The following TAC1 variants were observed in gnomAD, a reference collection of about 807,000 sequenced individuals.
The protein encoded by TAC1 is protachykinin-1.
A neutral mutation model predicts 21.7 loss-of-function variants in TAC1; 12 were observed. The observed-to-expected ratio is 0.55, with a 90% CI of 0.35 to 0.89. The LOEUF (loss-of-function observed/expected upper bound fraction) is 0.89. Ranked by LOEUF, TAC1 falls within the 40% of genes least tolerant of loss-of-function variation. The pLI, the probability that TAC1 is intolerant of heterozygous loss-of-function variation, is 0.01. For synonymous variants in TAC1, 52 were observed against 52.0 expected, an observed-to-expected ratio of 1.00 and a Z score of 0.00; for missense variants, 128 against 151.4, an observed-to-expected ratio of 0.85 and a Z score of 0.81.
chr7:97,734,286 C>G lies in TAC1; in HGVS notation c.259C>G (p.Leu87Val). Residue 87 changes from leucine to valine, a missense_variant, in exon 4 of 7, where the codon CTT becomes GTT. Coordinates refer to ENST00000319273, the MANE Select transcript of TAC1 (RefSeq NM_003182.3). ...AAAACAAGTGGCCCTGTTAAAGGCT[C>G]TTTATGGTAAACATTCCTATAAATC... Reference protein sequence around the residue: ...IEKQVALLKALYGHGQISHKR... With the variant: ...IEKQVALLKAVYGHGQISHKR... The G allele has an allele frequency of 2.5e-6, 4 of 1,613,306 alleles. No individual in the cohort carries two copies. The highest frequency in any genetic ancestry group is 3.4e-6 in the Non-Finnish European group (4 of 1,179,374).
intron 5 of TAC1, 55 bp from the exon 6 acceptor site, chr7:97,736,244 A>T: frequency 1.4e-6 from 2 of 1,436,972 alleles, no homozygotes; most frequent in Non-Finnish European, 1.9e-6. Context: ...TGGTTATAAT[A>T]GTTTGTTTCC....
intron 6 of TAC1, among the ~76,000 whole-genome samples, chr7:97,737,448 G>C (rs576950593): frequency 6.6e-6 from 1 of 151,282 alleles, no homozygotes; most frequent in African/African-American, 2.4e-5. Flanking sequence ...TAAGACTTGG[G>C]TACATTAAAT....
chr7:97,732,775 G>C lies in TAC1; in HGVS notation c.123+40G>C. Reference sequence around the variant, plus strand: ...CAGGACGGCCCGCACCCTTCTTCCTGGGCTCGGGAGCTGTCACCTTCCCAC... The same window carrying C: ...CAGGACGGCCCGCACCCTTCTTCCTCGGCTCGGGAGCTGTCACCTTCCCAC... On this transcript the variant is annotated intron_variant, in intron 2 of 6. Coordinates refer to ENST00000319273, the MANE Select transcript of TAC1 (RefSeq NM_003182.3). This position sits in a 1 kb window ranked among gnomAD's most constrained non-coding sequence, Gnocchi z 6.2. The C allele has an allele frequency of 1.9e-6, 3 of 1,595,092 alleles. No individual in the cohort carries two copies. Among genetic ancestry groups the C allele is most frequent in the East Asian group, 2.2e-5 (1 of 44,592 alleles).
intron 3 of TAC1, 96 bp downstream of exon 3, chr7:97,733,915 A>G: frequency 8.0e-7 from 1 of 1,244,928 alleles, no homozygotes; most frequent in Non-Finnish European, 1.2e-6. Flanking sequence ...CTGAATAGAG[A>G]TTTCCACTCC....
Position 97,733,723 on chromosome 7 carries a change from G to A in TAC1, c.124G>A (p.Glu42Lys). The A allele has an allele frequency of 6.2e-7, 1 of 1,613,958 alleles. No homozygotes were observed. The highest frequency in any genetic ancestry group is 8.5e-7 in the Non-Finnish European group (1 of 1,179,946). ...SDWYDSDQIK[E>K]ELPEPFEHLL... Reference sequence around the variant, plus strand: ...CTTTGTCCGTGCTTTTGTCTCCCAGGAGGAACTGCCGGAGCCCTTTGAGCA... The same window carrying A: ...CTTTGTCCGTGCTTTTGTCTCCCAGAAGGAACTGCCGGAGCCCTTTGAGCA... The change falls in exon 3 of 7, where the codon GAG (glutamate) becomes AAG (lysine). Residue 42 changes from glutamate to lysine, a missense_variant and splice_region_variant. Transcript: ENST00000319273.
chr7:97,734,345 A>C, intron 4 of TAC1, 53 bp downstream of exon 4: 1 of 1,521,616 alleles, frequency 6.6e-7, no homozygotes, highest in Non-Finnish European at 9.1e-7. Context: ...CATGTAGGAA[A>C]GTGAAATAAA....
intron 3 of TAC1, 131 bp downstream of exon 3, chr7:97,733,950 C>G: frequency 1.1e-6 from 1 of 947,130 alleles, no homozygotes; most frequent in Non-Finnish European, 1.6e-6. Flanking sequence ...TCCCCAGGCG[C>G]GACATTGGCC....
Position 97,732,979 on chromosome 7 carries a change from GCC to G in TAC1, c.123+246_123+247del. ...CCCAGGAACTCCCTGCAGTAGGGAT[GCC>G]CTCCCGGATGAGCCCGAGATCCTCA... On this transcript the variant is annotated intron_variant, in intron 2 of 6. Transcript: ENST00000319273. This position sits in a 1 kb window ranked among gnomAD's most constrained non-coding sequence, Gnocchi z 6.2. 5 of 419,850 alleles carry G rather than the reference GCC, an allele frequency of 1.2e-5. No homozygotes were observed. In the South Asian group the frequency reaches 1.4e-4, roughly 12 times the overall value. 26.0% of individuals were successfully genotyped at this position (419,850 alleles called of 1,614,324 possible). A position where few individuals can be genotyped will look rare whatever the true frequency, so the allele number is the denominator to read the frequency against.
chr7:97,733,678 C>T, intron 2 of TAC1, 45 bp from the exon 3 acceptor site: 2 of 1,599,960 alleles, frequency 1.3e-6, no homozygotes, highest in South Asian at 1.1e-5. Context: ...GGGTGCCTCG[C>T]TCTGGTTGCC....
chr7:97,733,628 T>A, intron 2 of TAC1, 95 bp from the exon 3 acceptor site: 2 of 1,267,646 alleles, frequency 1.6e-6, no homozygotes, highest in South Asian at 2.5e-5. Context: ...TCCCCACGCC[T>A]CGGGGCCGGA....
chr7:97,733,844 T>G (rs1394631614), intron 3 of TAC1, 25 bp downstream of exon 3: 1 of 1,609,770 alleles, frequency 6.2e-7, no homozygotes, highest in South Asian at 1.1e-5. Flanking sequence ...CGTCCCTAGG[T>G]GTCTTGGGCA....
At chr7:97,737,046 T>C (rs764964477) in intron 6 of TAC1, among the ~76,000 whole-genome samples, 37 of 152,042 alleles carry the variant, frequency 2.4e-4, no homozygotes, top group South Asian at 2.1e-4. Flanking sequence ...GCAGGTTTCC[T>C]TCTCTTCAAT....
chr7:97,734,016 A>G, intron 3 of TAC1, 197 bp downstream of exon 3: 1 of 686,874 alleles, frequency 1.5e-6, no homozygotes, highest in Non-Finnish European at 2.5e-6. Context: ...TCTGGTTCGC[A>G]TGCCTCACTG....
In TAC1 at chr7:97,732,729, G is replaced by T. The variant is rs1584415260; in HGVS notation, c.117G>T (p.Gln39His). 6.2e-7 allele frequency: 1 copy of T among 1,613,658 alleles called. No homozygotes were observed. Among genetic ancestry groups the T allele is most frequent in the South Asian group, 1.1e-5 (1 of 91,036 alleles). ...NYWSDWYDSD[Q>H]IKEELPEPFE... ...GGTCCGACTGGTACGACAGCGACCA[G>T]ATCAAGGTGAGGCCCCTTCCCAGGA... Residue 39 changes from glutamine (Q) to histidine (H), a missense_variant, in exon 2 of 7, where the codon CAG becomes CAT. Physicochemically the swap from Gln to His is conservative, Grantham distance 24. Coordinates refer to ENST00000319273, the MANE Select transcript of TAC1 (RefSeq NM_003182.3). The surrounding 1 kb of genome is among the most constrained non-coding windows in gnomAD (Gnocchi z 6.2).
rs962119322 is a variant in TAC1 at position 97,740,073 on chromosome 7, T to C, written c.*153T>C. The C allele has an allele frequency of 1.3e-5, 7 of 541,306 alleles. No homozygotes were observed. The highest frequency in any genetic ancestry group is 2.2e-5 in the Non-Finnish European group (7 of 314,996). The allele number at this position is 541,306 out of a possible 1,614,324, so 33.5% of individuals were successfully genotyped here. A position where few individuals can be genotyped will look rare whatever the true frequency, so the allele number is the denominator to read the frequency against. On this transcript the variant is annotated 3_prime_UTR_variant, in exon 7 of 7. Transcript: ENST00000319273. ...GTGTTTATTTTTCATATTGTGCCAA[T>C]ATGTATTGTAAACATGTGTTTTAAT...
chr7:97,734,319 T>C, intron 4 of TAC1, 27 bp downstream of exon 4: 1 of 1,596,344 alleles, frequency 6.3e-7, no homozygotes, highest in Non-Finnish European at 8.6e-7. Context: ...ATCTTTATTT[T>C]ACTATTGTGA....
chr7:97,732,779 T>C lies in TAC1; in HGVS notation c.123+44T>C. The C allele has an allele frequency of 6.3e-7, 1 of 1,591,558 alleles. No individual in the cohort carries two copies. The highest frequency in any genetic ancestry group is 1.1e-5 in the South Asian group (1 of 89,206). On this transcript the variant is annotated intron_variant, in intron 2 of 6. Coordinates refer to ENST00000319273, the MANE Select transcript of TAC1 (RefSeq NM_003182.3). This position sits in a 1 kb window ranked among gnomAD's most constrained non-coding sequence, Gnocchi z 6.2. ...ACGGCCCGCACCCTTCTTCCTGGGCTCGGGAGCTGTCACCTTCCCACGCAA... is the reference window on the plus strand; with the variant it reads ...ACGGCCCGCACCCTTCTTCCTGGGCCCGGGAGCTGTCACCTTCCCACGCAA...
Position 97,739,974 on chromosome 7 carries a change from G to A in TAC1, c.*54G>A. 9.5e-6 allele frequency: 12 copies of A among 1,269,794 alleles called. No individual in the cohort carries two copies. The highest frequency in any genetic ancestry group is 1.3e-5 in the Non-Finnish European group (12 of 898,416). 78.7% of individuals were successfully genotyped at this position (1,269,794 alleles called of 1,614,324 possible). The stretch of plus-strand genomic sequence containing the variant: ...TCATTTGTGTCAATGGGCAATGACA[G>A]GTAAATTAAGACATGCACTATGAGG... On this transcript the variant is annotated 3_prime_UTR_variant, in exon 7 of 7. Coordinates refer to ENST00000319273, the MANE Select transcript of TAC1 (RefSeq NM_003182.3).
Position 97,733,750 on chromosome 7 carries a change from C to G in TAC1, c.151C>G (p.Leu51Val). ...KEELPEPFEH[L>V]LQRIARRPKP... ...GGAACTGCCGGAGCCCTTTGAGCAT[C>G]TTCTGCAGAGAATCGCCCGGAGACC... The change falls in exon 3 of 7, where the codon CTT becomes GTT. Residue 51 changes from leucine (L) to valine (V), a missense_variant. By Grantham distance (32) the Leu-to-Val change is conservative. Coordinates refer to ENST00000319273, the MANE Select transcript of TAC1 (RefSeq NM_003182.3). 6.2e-7 allele frequency: 1 copy of G among 1,614,150 alleles called. No individual in the cohort carries two copies. Among genetic ancestry groups the G allele is most frequent in the African/African-American group, 1.3e-5 (1 of 75,036 alleles).
Sources: gnomAD v4.1 joint callset for allele counts (sites outside exome capture counted in the v4.1 genomes callset) on GRCh38, gnomAD v4.1.1 for gene constraint, Gnocchi (gnomAD v3.1) non-coding constraint, MANE v1.5 for transcripts, NCBI Gene and HGNC (gene_info 2026-07-23, HGNC 2026-07-21) for gene names.